The following SULF1 variants were observed in gnomAD, a reference collection of about 807,000 sequenced individuals.
SULF1 encodes the protein sulfatase 1.
Under a neutral mutation model 110.5 loss-of-function variants are expected in SULF1, and 46 were observed. The observed-to-expected ratio is 0.42, with a 90% confidence interval of 0.33 to 0.53. The LOEUF (loss-of-function observed/expected upper bound fraction) is 0.53, where lower values mean the gene tolerates loss of function less well. SULF1 is among the 20% of genes least tolerant of loss of function. The pLI is 0.12. For synonymous variants in SULF1, 371 were observed against 387.1 expected (o/e 0.96, Z 0.49); for missense variants, 941 against 1,094.2 (o/e 0.86, Z 1.98).
intron 22 of SULF1, among the ~76,000 whole-genome samples, chr8:69,653,635 A>G (rs1463269916): frequency 6.6e-6 from 1 of 152,208 alleles, no homozygotes. Context: ...GATTGATTGC[A>G]TCATTGGCCA....
chr8:69,559,538 C>A (rs1815331978), intron 3 of SULF1, among the ~76,000 whole-genome samples: 1 of 152,186 alleles, frequency 6.6e-6, no homozygotes, highest in African/African-American at 2.4e-5. Context: ...AGATTTCTAT[C>A]ATTGGTAACA....
At chr8:69,493,365 C>T (rs1034672641) in intron 1 of SULF1, among the ~76,000 whole-genome samples, 1 of 151,440 alleles carries the variant, frequency 6.6e-6, no homozygotes, top group Non-Finnish European at 1.5e-5. Flanking sequence ...AGTACCCAGG[C>T]GAGGTACTGA....
chr8:69,564,099 C>T lies in SULF1; in HGVS notation c.124C>T (p.Arg42Ter). Residue 42 changes from arginine to a stop codon, truncating the protein, a stop_gained, in exon 5 of 23, where the codon CGA becomes TGA. Transcript: ENST00000402687. LOFTEE classifies it high-confidence loss of function. ...GATACAGCAGGAACGAAAAAACATC[C>T]GACCCAACATTATTCTTGTGCTTAC... ...GRIQQERKNI[R>*]PNIILVLTDD... The T allele has an allele frequency of 6.2e-7, 1 of 1,614,134 alleles. No homozygotes were observed. The highest frequency in any genetic ancestry group is 8.5e-7 in the Non-Finnish European group (1 of 1,180,024).
intron 5 of SULF1, among the ~76,000 whole-genome samples, chr8:69,565,596 G>A (rs371103411): frequency 9.2e-5 from 14 of 152,112 alleles, no homozygotes; most frequent in Admixed American, 5.2e-4. Flanking sequence ...TTCCCTCACC[G>A]GTTTGTCACC....
chr8:69,484,964 G>C (rs1809645114), intron 1 of SULF1, among the ~76,000 whole-genome samples: 1 of 152,004 alleles, frequency 6.6e-6, no homozygotes, highest in South Asian at 2.1e-4. Context: ...TCAGCCTCCT[G>C]AGTATCTGGG....
intron 8 of SULF1, among the ~76,000 whole-genome samples, chr8:69,598,129 G>A (rs1209186869): frequency 6.6e-6 from 1 of 152,034 alleles, no homozygotes; most frequent in African/African-American, 2.4e-5. Context: ...AAAAAGGGGG[G>A]GACCATTTGG....
At position 69,530,553 on chromosome 8, in the gene SULF1, C is replaced by T. The variant is rs118167903; in HGVS notation, c.-134+28585C>T. On this transcript the variant is annotated intron_variant, in intron 3 of 22. Coordinates refer to ENST00000402687, the MANE Select transcript of SULF1 (RefSeq NM_001128205.2). Reference sequence around the variant, plus strand: ...GGTTATGCCTGTTCTGCTTTGACTTCTCTCATCGATAAAATCACCATCAAA... The same window carrying T: ...GGTTATGCCTGTTCTGCTTTGACTTTTCTCATCGATAAAATCACCATCAAA... Among the ~76,000 whole-genome samples, 23 of 152,296 alleles carry T rather than the reference C, an allele frequency of 1.5e-4. No individual in the cohort carries two copies. In the East Asian group the frequency reaches 3.5e-3, roughly 23 times the overall value.
chr8:69,645,423 T>C (rs2130707946), intron 22 of SULF1, among the ~76,000 whole-genome samples: 1 of 152,146 alleles, frequency 6.6e-6, no homozygotes, highest in East Asian at 1.9e-4. Context: ...AGGGGGAAAA[T>C]GTGCCCTCAT....
At chr8:69,654,788 G>T (rs1812592472) in intron 22 of SULF1, among the ~76,000 whole-genome samples, 1 of 152,154 alleles carries the variant, frequency 6.6e-6, no homozygotes, top group African/African-American at 2.4e-5. Flanking sequence ...AGCCTTCAAT[G>T]CTTTTGTCTC....
chr8:69,522,200 AC>A (rs1464468030), intron 3 of SULF1, among the ~76,000 whole-genome samples: 1 of 151,908 alleles, frequency 6.6e-6, no homozygotes, highest in Non-Finnish European at 1.5e-5. Context: ...ACAGGTGCCC[AC>A]CACCACACCC....
intron 13 of SULF1, among the ~76,000 whole-genome samples, chr8:69,607,259 C>T (rs1808295644): frequency 6.6e-6 from 1 of 152,214 alleles, no homozygotes. Flanking sequence ...ACTGGTGGCC[C>T]TCAAACCATA....
intron 3 of SULF1, among the ~76,000 whole-genome samples, chr8:69,526,658 G>A (rs997847594): frequency 6.6e-6 from 1 of 151,936 alleles, no homozygotes; most frequent in Non-Finnish European, 1.5e-5. Flanking sequence ...AGGCATAGTG[G>A]CATGTGCCTG....
In SULF1 at chr8:69,604,705, G is replaced by T. The variant is rs4737998; in HGVS notation, c.1248-98G>T. 676,982 of 1,456,628 alleles carry T rather than the reference G, an allele frequency of 0.46. 160,290 individuals carry two copies. The highest frequency in any genetic ancestry group is 0.62 in the East Asian group (27,161 of 43,842). The allele number at this position is 1,456,628 out of a possible 1,614,324, so 90.2% of individuals were successfully genotyped here. On this transcript the variant is annotated intron_variant, in intron 12 of 22. Transcript: ENST00000402687. ...CTATTTCTTGCTGTTTAAAGAATGT[G>T]GAGTCATGTGACAGGGTAAAAAAAA...
At chr8:69,636,938 C>A (rs1326217372) in intron 19 of SULF1, among the ~76,000 whole-genome samples, 1 of 152,078 alleles carries the variant, frequency 6.6e-6, no homozygotes, top group Non-Finnish European at 1.5e-5. Flanking sequence ...TGACCGTGAC[C>A]TTTTTTGGTG....
rs201506753 is a variant in SULF1, at chr8:69,616,128, G to GTATA, written c.1378-4900_1378-4897dup. Among the ~76,000 whole-genome samples the GTATA allele has an allele frequency of 9.3e-3, 1,196 of 129,254 alleles. 20 individuals are homozygous for GTATA. The highest frequency in any genetic ancestry group is 0.033 in the African/African-American group (1,136 of 34,426). The allele number at this position is 129,254 out of a possible 152,430, so 84.8% of individuals were successfully genotyped here. A position where few individuals can be genotyped will look rare whatever the true frequency, so the allele number is the denominator to read the frequency against. On this transcript the variant is annotated intron_variant, in intron 13 of 22. Coordinates refer to ENST00000402687, the MANE Select transcript of SULF1 (RefSeq NM_001128205.2). ...ATATATGTGTGTGTATATATAATGT[G>GTATA]TATATATATACACACATATATGTGT... is the stretch of plus-strand genomic sequence containing the variant.
intron 3 of SULF1, among the ~76,000 whole-genome samples, chr8:69,536,375 G>T (rs1335873317): frequency 6.6e-6 from 1 of 152,116 alleles, no homozygotes; most frequent in Non-Finnish European, 1.5e-5. Context: ...AATTAATTTT[G>T]TTTATATTTT....
chr8:69,636,526 T>G (rs59265576), intron 19 of SULF1, among the ~76,000 whole-genome samples: 6,016 of 151,452 alleles, frequency 0.04, 399 homozygotes, highest in African/African-American at 0.14. Context: ...GACAGAGCGA[T>G]ACTCCATCTC....
intron 6 of SULF1, among the ~76,000 whole-genome samples, chr8:69,582,349 G>A (rs1806129717): frequency 6.6e-6 from 1 of 152,178 alleles, no homozygotes; most frequent in Non-Finnish European, 1.5e-5. Context: ...TTACACTGCA[G>A]GATGGAAAAT....
chr8:69,602,939 C>T (rs1215284024), intron 10 of SULF1, among the ~76,000 whole-genome samples: 1 of 152,182 alleles, frequency 6.6e-6, no homozygotes, highest in African/African-American at 2.4e-5. Context: ...TGCATCTTGC[C>T]TGGTGATGTG....
Sources: gnomAD v4.1 joint callset for allele counts (sites outside exome capture counted in the v4.1 genomes callset) on GRCh38, gnomAD v4.1.1 for gene constraint, MANE v1.5 for transcripts, NCBI Gene and HGNC (gene_info 2026-07-23, HGNC 2026-07-21) for gene names.